The following PRRG4 variants were observed in gnomAD, a reference collection of about 807,000 sequenced individuals.
PRRG4 encodes the protein proline rich and Gla domain 4.
PRRG4 carries 12 observed loss-of-function variants against 20.0 expected under a neutral mutation model. The observed-to-expected ratio is 0.60, with a 90% CI of 0.38 to 0.97. The LOEUF (loss-of-function observed/expected upper bound fraction) is 0.97, where lower values mean the gene tolerates loss of function less well. Ranked by LOEUF, PRRG4 falls within the 50% of genes least tolerant of loss-of-function variation. PRRG4 has a pLI of 0.00. For synonymous variants in PRRG4, 94 were observed against 96.4 expected, an observed-to-expected ratio of 0.98 and a Z score of 0.15; for missense variants, 199 against 265.1, an observed-to-expected ratio of 0.75 and a Z score of 1.73.
rs567515294 is a variant in PRRG4, at chr11:32,849,645, C to T, written c.450-3651C>T. Among the ~76,000 whole-genome samples, 238 of 152,116 alleles carry T rather than the reference C, an allele frequency of 1.6e-3. 1 individual carries two copies. The highest frequency in any genetic ancestry group is 5.4e-3 in the African/African-American group (226 of 41,492). On this transcript the variant is annotated intron_variant, in intron 5 of 5. Coordinates refer to ENST00000257836, the MANE Select transcript of PRRG4 (RefSeq NM_024081.6). ...CGCTTCTGTACTCCAGCCTGGGAGA[C>T]AGAGCGAGACTCCGTCTCAATAAAT...
chr11:32,838,791 A>G, intron 3 of PRRG4, 91 bp from the exon 4 acceptor site: 1 of 883,436 alleles, frequency 1.1e-6, no homozygotes, highest in Non-Finnish European at 1.9e-6. Context: ...GCATGCCAAG[A>G]GTTTACTACC....
intron 5 of PRRG4, among the ~76,000 whole-genome samples, chr11:32,846,726 G>A (rs564268640): frequency 2.6e-5 from 4 of 152,228 alleles, no homozygotes; most frequent in Non-Finnish European, 4.4e-5. Flanking sequence ...GGGGCCACAC[G>A]CGGTGGCTCA....
In PRRG4 at chr11:32,853,444, A is replaced by T; in HGVS notation, c.598A>T (p.Ser200Cys). ...EQAVALTRKH[S>C]VSPPPPYPGH... ...GGCAGTGGCGCTGACCAGAAAACAC[A>T]GTGTTTCACCACCACCACCATATCC... Residue 200 changes from serine to cysteine, a missense_variant, in exon 6 of 6, where the codon AGT (serine) becomes TGT (cysteine). By Grantham distance (112) the Ser-to-Cys change is moderately radical (BLOSUM62 -1). Coordinates refer to ENST00000257836, the MANE Select transcript of PRRG4 (RefSeq NM_024081.6). 6.2e-7 allele frequency: 1 copy of T among 1,614,160 alleles called. No individual in the cohort carries two copies. The highest frequency in any genetic ancestry group is 8.5e-7 in the Non-Finnish European group (1 of 1,180,032).
chr11:32,847,131 T>A (rs1851138444), intron 5 of PRRG4, among the ~76,000 whole-genome samples: 1 of 152,082 alleles, frequency 6.6e-6, no homozygotes, highest in Admixed American at 6.6e-5. Flanking sequence ...ACAAAATGGT[T>A]CATATTTTAT....
At chr11:32,843,383 A>G (rs1851097274) in intron 5 of PRRG4, among the ~76,000 whole-genome samples, 1 of 151,932 alleles carries the variant, frequency 6.6e-6, no homozygotes, top group Admixed American at 6.6e-5. Context: ...AAAAATAACC[A>G]CTATTATGAA....
chr11:32,837,538 G>T (rs61889496), intron 3 of PRRG4, among the ~76,000 whole-genome samples: 4,688 of 90,434 alleles, frequency 0.052, 111 homozygotes, highest in African/African-American at 0.098. Context: ...TGATGATGAT[G>T]ATGATTATTA....
chr11:32,835,600 T>C (rs1156857935), intron 2 of PRRG4, among the ~76,000 whole-genome samples: 1 of 152,202 alleles, frequency 6.6e-6, no homozygotes, highest in African/African-American at 2.4e-5. Context: ...CCATTTACCT[T>C]CCCGTCAAAT....
chr11:32,830,312 T>A, intron 1 of PRRG4, 139 bp downstream of exon 1: 1 of 844,920 alleles, frequency 1.2e-6, no homozygotes. Flanking sequence ...GCAGGGTCAC[T>A]GGGCACGGCG....
rs192015185 is a variant in PRRG4 at position 32,834,284 on chromosome 11, G to T, written c.104-2374G>T. On this transcript the variant is annotated intron_variant, in intron 2 of 5. Coordinates refer to ENST00000257836, the MANE Select transcript of PRRG4 (RefSeq NM_024081.6). The stretch of plus-strand genomic sequence containing the variant: ...TAGAGCAGCAAGGAGACCCATGGAA[G>T]ACCATTGTAGGAATCCCAGTGAGGG... Among the ~76,000 whole-genome samples the T allele has an allele frequency of 8.5e-5, 13 of 152,312 alleles. No individual in the cohort carries two copies. In the East Asian group the frequency reaches 2.5e-3, roughly 29 times the overall value.
At chr11:32,853,245 C>A in intron 5 of PRRG4, 51 bp from the exon 6 acceptor site, 1 of 1,316,212 alleles carries the variant, frequency 7.6e-7, no homozygotes. Flanking sequence ...ATTGTCCTCT[C>A]AACCTAAAAA....
chr11:32,833,398 G>T (rs966860804), intron 2 of PRRG4, among the ~76,000 whole-genome samples: 4 of 152,050 alleles, frequency 2.6e-5, no homozygotes, highest in African/African-American at 7.2e-5. Context: ...GTTCCATGGG[G>T]TTGTATTTTT....
chr11:32,833,544 G>A (rs1850993519), intron 2 of PRRG4, among the ~76,000 whole-genome samples: 1 of 152,176 alleles, frequency 6.6e-6, no homozygotes, highest in Non-Finnish European at 1.5e-5. Flanking sequence ...TCTGAACTTA[G>A]ATTTCATGCA....
In PRRG4 at chr11:32,857,394, GC is replaced by G. The variant is rs1190050614; in HGVS notation, c.*3870del. On this transcript the variant is annotated 3_prime_UTR_variant, in exon 6 of 6. Coordinates refer to ENST00000257836, the MANE Select transcript of PRRG4 (RefSeq NM_024081.6). ...TCAAACTCCTGACCTCAGGTGATCC[GC>G]CCGCCTCAGCCTCCCAAAGGGCTGG... The G allele has an allele frequency of 2.0e-5, 3 of 151,484 alleles. No homozygotes were observed. Among genetic ancestry groups the G allele is most frequent in the African/African-American group, 7.3e-5 (3 of 41,188 alleles). The allele number at this position is 151,484 out of a possible 1,614,324, so 9.4% of individuals were successfully genotyped here.
chr11:32,846,927 G>A (rs978152009), intron 5 of PRRG4, among the ~76,000 whole-genome samples: 1 of 151,894 alleles, frequency 6.6e-6, no homozygotes, highest in Non-Finnish European at 1.5e-5. Context: ...GAACCTGGGA[G>A]GCAGAGGTTG....
chr11:32,849,128 C>T (rs1377396212), intron 5 of PRRG4, among the ~76,000 whole-genome samples: 2 of 151,904 alleles, frequency 1.3e-5, no homozygotes, highest in African/African-American at 4.8e-5. Context: ...TTTGGGAGTC[C>T]GAGGCACATG....
Position 32,838,914 on chromosome 11 carries a change from A to T in PRRG4, c.300A>T (p.Gly100=), listed in dbSNP as rs773511333. 6.8e-6 allele frequency: 11 copies of T among 1,610,146 alleles called. No homozygotes were observed. The Admixed American group carries it at 1.2e-4, about 17-fold the overall frequency. The change falls in exon 4 of 6, where the codon GGA becomes GGT. Residue 100 remains glycine, a synonymous_variant. Transcript: ENST00000257836. ...TTTGGCAGGAATATTCAGCTAAAGG[A>T]CCAACCACAAAATCAGGTAAAACAA... The part of the protein sequence containing the change: ...IAFWQEYSAK[G]PTTKSDGNRE...
chr11:32,836,554 A>T, intron 2 of PRRG4, 104 bp from the exon 3 acceptor site: 1 of 564,178 alleles, frequency 1.8e-6, no homozygotes, highest in Non-Finnish European at 2.9e-6. Context: ...AGTTTGGTAT[A>T]ATTTAGCCAC....
intron 2 of PRRG4, among the ~76,000 whole-genome samples, chr11:32,831,321 G>T (rs779667664): frequency 6.6e-6 from 1 of 152,062 alleles, no homozygotes; most frequent in Non-Finnish European, 1.5e-5. Context: ...TATTCATGGT[G>T]CTTCCCCACT....
chr11:32,837,540 TG>T (rs1342494418), intron 3 of PRRG4, among the ~76,000 whole-genome samples: 6,054 of 81,606 alleles, frequency 0.074, 137 homozygotes, highest in Middle Eastern at 0.11. Context: ...ATGATGATGA[TG>T]ATTATTATTA....
Sources: allele counts gnomAD v4.1 joint callset (sites outside exome capture counted in the v4.1 genomes callset), GRCh38; gene constraint gnomAD v4.1.1; transcripts MANE v1.5; gene names NCBI Gene and HGNC (gene_info 2026-07-23, HGNC 2026-07-21).